PLOD2: variants seen among roughly 807,000 people sequenced by gnomAD.
The protein encoded by PLOD2 is lysine hydroxylase 2.
In PLOD2, 65 loss-of-function variants were observed where a neutral mutation model predicts 101.0. That is an observed-to-expected ratio of 0.64 (90% CI 0.53 to 0.79). PLOD2 has a LOEUF of 0.79. PLOD2 is among the 30% of genes least tolerant of loss of function. PLOD2 has a pLI of 0.00. For synonymous variants in PLOD2, 314 were observed against 302.9 expected (o/e 1.04, Z -0.38); for missense variants, 909 against 914.6 (o/e 0.99, Z 0.08).
At chr3:146,119,001 T>C (rs1193191759) in intron 3 of PLOD2, among the ~76,000 whole-genome samples, 2 of 152,152 alleles carry the variant, frequency 1.3e-5, no homozygotes, top group African/African-American at 2.4e-5. Flanking sequence ...TCTCAGACCA[T>C]AGTTGATATA....
chr3:146,107,697 C>T (rs891984425), intron 4 of PLOD2, among the ~76,000 whole-genome samples: 2 of 131,464 alleles, frequency 1.5e-5, no homozygotes, highest in African/African-American at 3.0e-5. Flanking sequence ...AGTGCAAAGG[C>T]ACAATCTTGG....
At chr3:146,089,646 T>G (rs1936908155) in intron 8 of PLOD2, among the ~76,000 whole-genome samples, 1 of 151,674 alleles carries the variant, frequency 6.6e-6, no homozygotes, top group African/African-American at 2.4e-5. Flanking sequence ...CTCCATTATC[T>G]GTATAATAAC....
In PLOD2 at chr3:146,070,131, G is replaced by A. The variant is rs946038016; in HGVS notation, c.*586C>T. The A allele has an allele frequency of 2.6e-5, 4 of 151,668 alleles. No homozygotes were observed. The highest frequency in any genetic ancestry group is 6.6e-5 in the Admixed American group (1 of 15,130). 9.4% of individuals were successfully genotyped at this position (151,668 alleles called of 1,614,324 possible). On this transcript the variant is annotated 3_prime_UTR_variant, in exon 20 of 20. Coordinates refer to ENST00000282903, the MANE Select transcript of PLOD2 (RefSeq NM_182943.3). Reference sequence around the variant, plus strand: ...AACAAAAATGTTTTCAACTGTATACGCTCCTCGGTTGTGTTTTGTACCATT... The same window carrying A: ...AACAAAAATGTTTTCAACTGTATACACTCCTCGGTTGTGTTTTGTACCATT...
At chr3:146,097,795 TA>T (rs753043092) in intron 7 of PLOD2, among the ~76,000 whole-genome samples, 138 of 127,090 alleles carry the variant, frequency 1.1e-3, no homozygotes, top group Non-Finnish European at 1.9e-3. Flanking sequence ...GAATGATCAA[TA>T]AAAAAAAAAT....
chr3:146,158,989 T>A (rs10935608), intron 1 of PLOD2, among the ~76,000 whole-genome samples: 50,818 of 151,690 alleles, frequency 0.34, 8,565 homozygotes, highest in South Asian at 0.41. Context: ...CAGTTGAAAC[T>A]TGTAAAGAAT....
At position 146,070,335 on chromosome 3, in the gene PLOD2, T is replaced by C. The variant is rs1238004003; in HGVS notation, c.*382A>G. On this transcript the variant is annotated 3_prime_UTR_variant, in exon 20 of 20. Transcript: ENST00000282903. ...ATCCATTTTGTCTACATTTCCTCTA[T>C]ATTTTGATAAATAAAAATCTTCCCA... The C allele has an allele frequency of 1.3e-5, 2 of 155,976 alleles. No individual in the cohort carries two copies. The highest frequency in any genetic ancestry group is 1.4e-5 in the Non-Finnish European group (1 of 70,664). The allele number at this position is 155,976 out of a possible 1,614,324, so 9.7% of individuals were successfully genotyped here. A position where few individuals can be genotyped will look rare whatever the true frequency, so the allele number is the denominator to read the frequency against.
intron 7 of PLOD2, among the ~76,000 whole-genome samples, chr3:146,094,838 A>AT (rs1559844836): frequency 6.6e-6 from 1 of 152,242 alleles, no homozygotes; most frequent in Non-Finnish European, 1.5e-5. Flanking sequence ...AGGCTAGAGT[A>AT]ACCAAAACAG....
At chr3:146,119,431 A>T (rs1459757950) in intron 3 of PLOD2, among the ~76,000 whole-genome samples, 1 of 140,902 alleles carries the variant, frequency 7.1e-6, no homozygotes, top group Non-Finnish European at 1.5e-5. Flanking sequence ...AACTAGTAAT[A>T]TCTACTTTTG....
intron 3 of PLOD2, among the ~76,000 whole-genome samples, chr3:146,114,423 C>T (rs953936358): frequency 2.6e-5 from 4 of 152,134 alleles, no homozygotes; most frequent in African/African-American, 7.2e-5. Context: ...AAATTATCCT[C>T]GAAGAGATGA....
intron 1 of PLOD2, among the ~76,000 whole-genome samples, chr3:146,128,839 T>C (rs2030736800): frequency 6.7e-6 from 1 of 149,856 alleles, no homozygotes; most frequent in African/African-American, 2.4e-5. Context: ...ATATATCCTG[T>C]CACCAAATGC....
In PLOD2 at chr3:146,099,074, T is replaced by A. The variant is rs141200095; in HGVS notation, c.777+3681A>T. On this transcript the variant is annotated intron_variant, in intron 7 of 19. Coordinates refer to ENST00000282903, the MANE Select transcript of PLOD2 (RefSeq NM_182943.3). ...TATAATAAAACTTCATATTTTATTG[T>A]CTAATAGAATAACAAAATGAACTAG... 3.3e-5 allele frequency among the ~76,000 whole-genome samples: 5 copies of A among 152,276 alleles called. No individual in the cohort carries two copies. In the East Asian group the frequency reaches 9.6e-4, roughly 29 times the overall value.
intron 1 of PLOD2, among the ~76,000 whole-genome samples, chr3:146,132,302 G>C (rs2030961937): frequency 6.6e-6 from 1 of 152,136 alleles, no homozygotes; most frequent in African/African-American, 2.4e-5. Flanking sequence ...TATGTGCAGT[G>C]GGATGGAGAG....
At chr3:146,104,765 T>C (rs2108058306) in intron 5 of PLOD2, among the ~76,000 whole-genome samples, 1 of 152,330 alleles carries the variant, frequency 6.6e-6, no homozygotes, top group Middle Eastern at 3.4e-3. Flanking sequence ...GACTGCTTAT[T>C]GTACCCAACA....
At chr3:146,090,096 G>C (rs963466785) in intron 8 of PLOD2, among the ~76,000 whole-genome samples, 1 of 150,842 alleles carries the variant, frequency 6.6e-6, no homozygotes, top group Non-Finnish European at 1.5e-5. Context: ...TATACAAATA[G>C]AATATCATTT....
chr3:146,076,695 T>A (rs1936352224), intron 15 of PLOD2, 87 bp downstream of exon 15: 1 of 732,324 alleles, frequency 1.4e-6, no homozygotes, highest in Non-Finnish European at 2.4e-6. Flanking sequence ...TTAAAAAGCC[T>A]CTAACCACAT....
chr3:146,124,158 A>G lies in PLOD2; in HGVS notation c.181T>C (p.Tyr61His), dbSNP rs2030394472. 4.4e-6 allele frequency: 7 copies of G among 1,575,286 alleles called. No individual in the cohort carries two copies. The highest frequency in any genetic ancestry group is 5.2e-6 in the Non-Finnish European group (6 of 1,145,636). The change falls in exon 2 of 20, where the codon TAT (tyrosine) becomes CAT (histidine). Residue 61 changes from tyrosine to histidine, a missense_variant. Coordinates refer to ENST00000282903, the MANE Select transcript of PLOD2 (RefSeq NM_182943.3). ...CATACCTTCACAGTATAATTGAAATATTTGGCTGACTGCATAAATCGATGG... is the reference window on the plus strand; with the variant it reads ...CATACCTTCACAGTATAATTGAAATGTTTGGCTGACTGCATAAATCGATGG... Reference protein sequence around the residue: ...GFHRFMQSAKYFNYTVKVLGQ... With the variant: ...GFHRFMQSAKHFNYTVKVLGQ...
intron 1 of PLOD2, among the ~76,000 whole-genome samples, chr3:146,134,275 T>C (rs371617100): frequency 1.3e-5 from 2 of 152,184 alleles, no homozygotes; most frequent in East Asian, 3.9e-4. Context: ...AAGCAGTATG[T>C]TTCCTATCTT....
chr3:146,096,016 G>C (rs1937143189), intron 7 of PLOD2, among the ~76,000 whole-genome samples: 2 of 146,656 alleles, frequency 1.4e-5, no homozygotes, highest in African/African-American at 5.0e-5. Flanking sequence ...CCTGCCGAGT[G>C]CCTGCGATTG....
At chr3:146,149,798 G>A (rs1180955419) in intron 1 of PLOD2, among the ~76,000 whole-genome samples, 6 of 151,940 alleles carry the variant, frequency 3.9e-5, no homozygotes, top group South Asian at 4.1e-4. Context: ...AATCTTACAC[G>A]TAAAAAACAA....
Sources: gnomAD v4.1 joint callset for allele counts (sites outside exome capture counted in the v4.1 genomes callset) on GRCh38, gnomAD v4.1.1 for gene constraint, MANE v1.5 for transcripts, NCBI Gene and HGNC (gene_info 2026-07-23, HGNC 2026-07-21) for gene names.